Variants in MSANTD7 observed in about 807,000 individuals in gnomAD.
MSANTD7 encodes Myb/SANT DNA binding domain containing 7, also known as zinc finger and SCAN domain containing 29.
At chr10:14,842,609 G>A in the MSANTD7 span, 1 of 1,536,156 alleles carries the variant, frequency 6.5e-7, no homozygotes, top group Non-Finnish European at 8.7e-7. This position sits in a 1 kb window ranked among gnomAD's most constrained non-coding sequence, Gnocchi z 5.2. Flanking sequence ...GACTGACCCA[G>A]ACAACTTAAT....
chr10:14,839,925 T>G, the MSANTD7 span: 1 of 1,613,222 alleles, frequency 6.2e-7, no homozygotes, highest in Non-Finnish European at 8.5e-7. Context: ...CTGGTGTGGT[T>G]GCAAATGATG....
the MSANTD7 span, among the ~76,000 whole-genome samples, chr10:14,841,910 C>T: frequency 6.6e-6 from 1 of 152,216 alleles, no homozygotes; most frequent in Non-Finnish European, 1.5e-5. Flanking sequence ...TTTTACAGAT[C>T]CATTGTTGTA....
the MSANTD7 span, chr10:14,845,035 G>A: frequency 1.0e-6 from 1 of 985,362 alleles, no homozygotes; most frequent in Non-Finnish European, 1.2e-6. Context: ...TTAACTTTGG[G>A]AACACTAGAG....
the MSANTD7 span, among the ~76,000 whole-genome samples, chr10:14,840,310 TC>T: frequency 6.6e-6 from 1 of 152,162 alleles, no homozygotes; most frequent in Admixed American, 6.5e-5. Flanking sequence ...GTAGGCAGTG[TC>T]TTTTGATTCT....
the MSANTD7 span, chr10:14,842,096 A>T: frequency 6.9e-7 from 1 of 1,454,746 alleles, no homozygotes; most frequent in Admixed American, 2.0e-5. This position sits in a 1 kb window ranked among gnomAD's most constrained non-coding sequence, Gnocchi z 5.2. Context: ...TTATCCTTAC[A>T]CCCTTCCTGT....
the MSANTD7 span, chr10:14,844,737 C>T: frequency 2.1e-6 from 2 of 965,100 alleles, no homozygotes; most frequent in African/African-American, 3.5e-5. Flanking sequence ...TATGTAAATT[C>T]TTTGCATTTC....
At chr10:14,842,799 G>T in the MSANTD7 span, 1 of 1,536,266 alleles carries the variant, frequency 6.5e-7, no homozygotes, top group South Asian at 1.2e-5. The surrounding 1 kb of genome is among the most constrained non-coding windows in gnomAD (Gnocchi z 5.2). Context: ...GACCGGATAC[G>T]AGAAACCAGT....
chr10:14,840,211 T>G, the MSANTD7 span: 1 of 908,858 alleles, frequency 1.1e-6, no homozygotes, highest in Non-Finnish European at 1.6e-6. Context: ...GTTCATAAAT[T>G]CTAAGCATAA....
At chr10:14,840,831 A>C in the MSANTD7 span, among the ~76,000 whole-genome samples, 1 of 152,160 alleles carries the variant, frequency 6.6e-6, no homozygotes, top group African/African-American at 2.4e-5. Flanking sequence ...CACATCTATT[A>C]TTTTATTTAA....
chr10:14,844,001 A>G, the MSANTD7 span: 2 of 1,470,200 alleles, frequency 1.4e-6, no homozygotes, highest in East Asian at 2.5e-5. Context: ...AAAAACATGG[A>G]TGAACCATTT....
the MSANTD7 span, chr10:14,843,584 C>T: frequency 6.4e-7 from 1 of 1,550,574 alleles, no homozygotes; most frequent in East Asian, 2.4e-5. Flanking sequence ...GGGGATAGGC[C>T]CTTGACCAGT....
At chr10:14,842,924 T>C in the MSANTD7 span, 1 of 1,042,970 alleles carries the variant, frequency 9.6e-7, no homozygotes, top group Non-Finnish European at 1.4e-6. The surrounding 1 kb of genome is among the most constrained non-coding windows in gnomAD (Gnocchi z 5.2). Flanking sequence ...GTTTGGATAG[T>C]GTCCTCTTCA....
the MSANTD7 span, chr10:14,843,448 C>T: frequency 6.4e-7 from 1 of 1,550,742 alleles, no homozygotes; most frequent in South Asian, 1.2e-5. Flanking sequence ...TCAGAGCAGC[C>T]CCATGGCCAG....
chr10:14,845,552 C>CAGTTTGTTT, the MSANTD7 span: 1 of 982,272 alleles, frequency 1.0e-6, no homozygotes, highest in African/African-American at 1.8e-5. Flanking sequence ...AATCCTGTCA[C>CAGTTTGTTT]AGTTTGTTTC....
chr10:14,843,345 T>G, the MSANTD7 span: 1 of 1,550,566 alleles, frequency 6.4e-7, no homozygotes, highest in Non-Finnish European at 8.7e-7. Flanking sequence ...ATGTTCTCTT[T>G]GCAACATTGT....
At chr10:14,843,655 G>T in the MSANTD7 span, 3 of 1,549,268 alleles carry the variant, frequency 1.9e-6, no homozygotes, top group African/African-American at 2.7e-5. Context: ...TATCGCAGCC[G>T]AGTTGGCAGA....
the MSANTD7 span, chr10:14,838,474 A>G: frequency 6.3e-7 from 1 of 1,596,694 alleles, no homozygotes; most frequent in Non-Finnish European, 8.5e-7. Flanking sequence ...GGGGCTGCGG[A>G]GCTGGGCTAG....
chr10:14,845,598 AT>A, the MSANTD7 span: 53,080 of 659,842 alleles, frequency 0.08, 1 homozygote, highest in Non-Finnish European at 0.09. Context: ...TATTATTATT[AT>A]TTTTTTTTTT....
chr10:14,845,960 A>G, the MSANTD7 span: 4 of 896,356 alleles, frequency 4.5e-6, no homozygotes, highest in Non-Finnish European at 5.3e-6. Context: ...GAAATAGCAT[A>G]ATAAAAGACA....
Sources: allele counts gnomAD v4.1 joint callset (sites outside exome capture counted in the v4.1 genomes callset), GRCh38; gene constraint gnomAD v4.1.1; non-coding constraint Gnocchi (gnomAD v3.1); transcripts MANE v1.5; gene names NCBI Gene and HGNC (gene_info 2026-07-23, HGNC 2026-07-21).